NOS2: variants seen among roughly 807,000 people sequenced by gnomAD.
NOS2 encodes the protein nitric oxide synthase, inducible.
A neutral mutation model predicts 136.0 loss-of-function variants in NOS2; 96 were observed. The ratio of observed to expected loss-of-function variants is 0.71; its 90% CI spans 0.60 to 0.84. NOS2 has a LOEUF of 0.84. NOS2 is among the 40% of genes least tolerant of loss of function. The pLI is 0.00. For synonymous variants in NOS2, 539 were observed against 587.5 expected (o/e 0.92, Z 1.20); for missense variants, 1,237 against 1,496.9 (o/e 0.83, Z 2.87).
intron 2 of NOS2, among the ~76,000 whole-genome samples, chr17:27,794,620 A>T (rs547328118): frequency 6.6e-6 from 1 of 152,260 alleles, no homozygotes; most frequent in South Asian, 2.1e-4. Context: ...AGCAACACAT[A>T]GCTCGACTTG....
chr17:27,760,344 G>A (rs552410737), intron 24 of NOS2, among the ~76,000 whole-genome samples, 166 bp from the exon 25 acceptor site: 1 of 152,344 alleles, frequency 6.6e-6, no homozygotes, highest in East Asian at 1.9e-4. Flanking sequence ...CTCATCCATA[G>A]TCACAGAACT....
At chr17:27,788,196 G>GCACACA (rs59431357) in intron 4 of NOS2, among the ~76,000 whole-genome samples, 26,766 of 149,588 alleles carry the variant, frequency 0.18, 2,649 homozygotes, top group East Asian at 0.28. Flanking sequence ...GCACACGCGT[G>GCACACA]CACACACACA....
At chr17:27,793,761 G>C (rs1488755383) in intron 2 of NOS2, 7 of 387,272 alleles carry the variant, frequency 1.8e-5, no homozygotes, top group Non-Finnish European at 4.6e-6. Context: ...TTTATCGCTC[G>C]GAGCCTGCAG....
In NOS2 at chr17:27,789,623, G is replaced by T; in HGVS notation, c.176C>A (p.Pro59His). 1 of 1,613,868 alleles carries T rather than the reference G, an allele frequency of 6.2e-7. No homozygotes were observed. ...LSKQQNESPQ[P>H]LVETGKKSPE... Reference sequence around the variant, plus strand: ...ACTGACCTTTCCCGTCTCCACGAGGGGCTGCGGGGACTCATTCTGCTGCTT... The same window carrying T: ...ACTGACCTTTCCCGTCTCCACGAGGTGCTGCGGGGACTCATTCTGCTGCTT... The change falls in exon 3 of 27, where the codon CCC (proline) becomes CAC (histidine). Residue 59 changes from proline to histidine, a missense_variant. Physicochemically the swap from Pro to His is moderately conservative, Grantham distance 77. Around this residue, in one of 3 missense-constraint regions of NOS2, gnomAD observed 440 missense variants for 545.4 expected, o/e 0.81. Transcript: ENST00000313735.
Position 27,782,018 on chromosome 17 carries a change from A to T in NOS2, c.719T>A (p.Ile240Asn). The change falls in exon 7 of 27, where the codon ATC (isoleucine) becomes AAC (asparagine). Residue 240 changes from isoleucine to asparagine, a missense_variant. Transcript: ENST00000313735. The stretch of plus-strand genomic sequence containing the variant: ...GCCCTGGGAAATGTGCACCGACCTG[A>T]TGTTGCCATTGTTGGTGGAGTAACG... ...HVRYSTNNGN[I>N]RSAITVFPQR... 6.2e-7 allele frequency: 1 copy of T among 1,613,888 alleles called. No individual in the cohort carries two copies. The highest frequency in any genetic ancestry group is 8.5e-7 in the Non-Finnish European group (1 of 1,179,850).
intron 20 of NOS2, among the ~76,000 whole-genome samples, chr17:27,765,309 C>G (rs1908261262): frequency 6.6e-6 from 1 of 152,226 alleles, no homozygotes; most frequent in Admixed American, 6.5e-5. Context: ...CTGACTTTGG[C>G]CACTGCATTG....
In NOS2 at chr17:27,778,166, G is replaced by A. The variant is rs1908718910; in HGVS notation, c.1281+524C>T. Among the ~76,000 whole-genome samples the A allele has an allele frequency of 2.0e-5, 3 of 152,148 alleles. No individual in the cohort carries two copies. In the South Asian group the frequency reaches 6.2e-4, roughly 32 times the overall value. ...CAGAGAGACAGGTTGGCAGTGGGGT[G>A]AGGGCGTCATTTTACATGGCACGGT... On this transcript the variant is annotated intron_variant, in intron 11 of 26. Coordinates refer to ENST00000313735, the MANE Select transcript of NOS2 (RefSeq NM_000625.4).
At chr17:27,785,429 C>T (rs1447685067) in intron 5 of NOS2, among the ~76,000 whole-genome samples, 1 of 152,176 alleles carries the variant, frequency 6.6e-6, no homozygotes, top group Non-Finnish European at 1.5e-5. Flanking sequence ...GCTGCTCAAT[C>T]CAGGCTGTGC....
rs200988416 is a variant in NOS2, at chr17:27,761,236, A to T, written c.2801-5T>A. On this transcript the variant is annotated splice_region_variant and splice_polypyrimidine_tract_variant and intron_variant, in intron 22 of 26. Transcript: ENST00000313735. ...GGTGCAGGGGACCCTGGCCATCTGC[A>T]ACGATACCACAAAGTGACCAACGTC... The T allele has an allele frequency of 2.5e-5, 40 of 1,602,676 alleles. No individual in the cohort carries two copies. The highest frequency in any genetic ancestry group is 4.4e-4 in the Middle Eastern group (2 of 4,538).
chr17:27,792,519 G>T (rs1909222267), intron 2 of NOS2, among the ~76,000 whole-genome samples: 1 of 152,164 alleles, frequency 6.6e-6, no homozygotes, highest in Non-Finnish European at 1.5e-5. Flanking sequence ...TGGCTGCTGG[G>T]AGACAGGGTG....
chr17:27,772,346 C>T lies in NOS2; in HGVS notation c.1666G>A (p.Asp556Asn). Reference sequence around the variant, plus strand: ...GCACAGCTGAATAAGGCCCCCAGGTCCCAGGCCAGCGCCTCTGATTTTCCT... The same window carrying T: ...GCACAGCTGAATAAGGCCCCCAGGTTCCAGGCCAGCGCCTCTGATTTTCCT... Reference protein sequence around the residue: ...ETGKSEALAWDLGALFSCAFN... With the variant: ...ETGKSEALAWNLGALFSCAFN... Residue 556 changes from aspartate to asparagine, a missense_variant, in exon 14 of 27, where the codon GAC becomes AAC. Transcript: ENST00000313735. 2 of 1,614,148 alleles carry T rather than the reference C, an allele frequency of 1.2e-6. No individual in the cohort carries two copies. Among genetic ancestry groups the T allele is most frequent in the Non-Finnish European group, 1.7e-6 (2 of 1,180,044 alleles).
chr17:27,765,550 C>T lies in NOS2; in HGVS notation c.2413G>A (p.Ala805Thr), dbSNP rs201795332. 1.2e-6 allele frequency: 2 copies of T among 1,604,526 alleles called. No homozygotes were observed. Among genetic ancestry groups the T allele is most frequent in the African/African-American group, 2.7e-5 (2 of 74,732 alleles). Reference sequence around the variant, plus strand: ...CGGGGCTCACCACTCTCATCCAGGGCCTCCAGGCGCACTGTCTGGTGGGGT... The same window carrying T: ...CGGGGCTCACCACTCTCATCCAGGGTCTCCAGGCGCACTGTCTGGTGGGGT... ...PTPHQTVRLE[A>T]LDESGSYWVS... The change falls in exon 20 of 27, where the codon GCC (alanine) becomes ACC (threonine). Residue 805 changes from alanine (A) to threonine (T), a missense_variant. By Grantham distance (58) the Ala-to-Thr change is moderately conservative. Around this residue, in one of 3 missense-constraint regions of NOS2, gnomAD observed 782 missense variants for 909.9 expected, o/e 0.86. Coordinates refer to ENST00000313735, the MANE Select transcript of NOS2 (RefSeq NM_000625.4).
At chr17:27,788,054 C>G (rs181330727) in intron 4 of NOS2, among the ~76,000 whole-genome samples, 1 of 152,308 alleles carries the variant, frequency 6.6e-6, no homozygotes, top group African/African-American at 2.4e-5. Context: ...GTTTTTCTCC[C>G]TACTCCGGAC....
Position 27,788,850 on chromosome 17 carries a change from C to CA in NOS2, c.276_277insT (p.Gly93TrpfsTer11). On this transcript the variant is annotated frameshift_variant, in exon 4 of 27. Transcript: ENST00000313735. LOFTEE classifies it high-confidence loss of function. ...TGAAGTGTGTCTTGGAAAGTCATCC[C>CA]GCTGCCCCAGTTTTTGATCCTCACA... The CA allele has an allele frequency of 1.2e-6, 2 of 1,614,152 alleles. No homozygotes were observed. Among genetic ancestry groups the CA allele is most frequent in the Admixed American group, 3.3e-5 (2 of 60,016 alleles).
chr17:27,798,837 TA>T lies in NOS2; in HGVS notation c.-29del, dbSNP rs774485336. On this transcript the variant is annotated 5_prime_UTR_variant, in exon 2 of 27. Transcript: ENST00000313735. ...CTATGGCTTTACAAAGCAGGTCACTTATGTCACTTATCTGGATTTGAGCTCA... is the reference window on the plus strand; with the variant it reads ...CTATGGCTTTACAAAGCAGGTCACTTTGTCACTTATCTGGATTTGAGCTCA... 4 of 1,359,024 alleles carry T rather than the reference TA, an allele frequency of 2.9e-6. No homozygotes were observed. In the Admixed American group the frequency reaches 6.7e-5, roughly 23 times the overall value. The allele number at this position is 1,359,024 out of a possible 1,614,324, so 84.2% of individuals were successfully genotyped here. A position where few individuals can be genotyped will look rare whatever the true frequency, so the allele number is the denominator to read the frequency against.
At chr17:27,774,055 T>G (rs950205729) in intron 12 of NOS2, among the ~76,000 whole-genome samples, 1 of 152,138 alleles carries the variant, frequency 6.6e-6, no homozygotes, top group African/African-American at 2.4e-5. Flanking sequence ...AGCGGTGCAG[T>G]GGAAGCCACT....
chr17:27,765,439 G>A (rs560332659), intron 20 of NOS2, 96 bp downstream of exon 20: 1 of 1,164,242 alleles, frequency 8.6e-7, no homozygotes, highest in Admixed American at 2.6e-5. Context: ...GGAAGGACAG[G>A]GATGGCTGTC....
chr17:27,760,207 T>G (rs201704324), intron 24 of NOS2, 29 bp from the exon 25 acceptor site: 4 of 1,516,736 alleles, frequency 2.6e-6, no homozygotes, highest in Non-Finnish European at 3.5e-6. Flanking sequence ...GTTGTTACCA[T>G]GTTGGCCACC....
rs372948521 is a variant in NOS2 at position 27,769,148 on chromosome 17, G to A, written c.1863C>T (p.Tyr621=). 18 of 1,607,358 alleles carry A rather than the reference G, an allele frequency of 1.1e-5. No individual in the cohort carries two copies. Among genetic ancestry groups the A allele is most frequent in the African/African-American group, 5.3e-5 (4 of 74,842 alleles). ...MLKELNNKFR[Y]AVFGLGSSMY... is the part of the protein sequence containing the mutation. The stretch of plus-strand genomic sequence containing the variant: ...TGCTGGAGCCGAGGCCAAACACAGC[G>A]TACCTGCCCGAGGACACACACAGAG... Residue 621 remains tyrosine (Y), a synonymous_variant, in exon 17 of 27, where the codon TAC becomes TAT. Coordinates refer to ENST00000313735, the MANE Select transcript of NOS2 (RefSeq NM_000625.4).
Sources: gnomAD v4.1 joint callset for allele counts (sites outside exome capture counted in the v4.1 genomes callset) on GRCh38, gnomAD v4.1.1 for gene constraint, gnomAD v4.1.1 regional missense constraint, MANE v1.5 for transcripts, NCBI Gene and HGNC (gene_info 2026-07-23, HGNC 2026-07-21) for gene names.